TMED10: variants seen among roughly 807,000 people sequenced by gnomAD.
TMED10 encodes the protein transmembrane emp24 domain-containing protein 10.
In TMED10, 7 loss-of-function variants were observed where a neutral mutation model predicts 23.1. The ratio of observed to expected loss-of-function variants is 0.30; its 90% confidence interval spans 0.17 to 0.57. The LOEUF (loss-of-function observed/expected upper bound fraction) is 0.57, where lower values mean the gene tolerates loss of function less well. Among genes scored for constraint, TMED10 ranks in the 20% least tolerant of loss-of-function variants. The probability of loss-of-function intolerance (pLI) is 0.91; values close to 1 mark genes in which losing one functional copy is unlikely to be tolerated. For synonymous variants in TMED10, 113 were observed against 106.9 expected (o/e 1.06, Z -0.35); for missense variants, 162 against 274.8 (o/e 0.59, Z 2.90).
At chr14:75,175,859 T>A (rs1279173139) in intron 1 of TMED10, 5 of 162,852 alleles carry the variant, frequency 3.1e-5, no homozygotes, top group African/African-American at 1.2e-4. Flanking sequence ...ACCTACTTCA[T>A]AGGGTAGTGC....
intron 1 of TMED10, among the ~76,000 whole-genome samples, chr14:75,173,567 T>C (rs1268073815): frequency 6.6e-6 from 1 of 152,134 alleles, no homozygotes; most frequent in Non-Finnish European, 1.5e-5. Flanking sequence ...AAATACCTGG[T>C]CCAATTTATT....
chr14:75,149,037 C>A (rs1230420427), intron 2 of TMED10, among the ~76,000 whole-genome samples: 1 of 152,242 alleles, frequency 6.6e-6, no homozygotes, highest in East Asian at 1.9e-4. Context: ...CCACTTCAGT[C>A]TTTCAAGTAG....
intron 1 of TMED10, among the ~76,000 whole-genome samples, chr14:75,172,777 A>G (rs1896250450): frequency 6.6e-6 from 1 of 152,244 alleles, no homozygotes; most frequent in African/African-American, 2.4e-5. Context: ...ACACGTGTGG[A>G]AAGATCCTGA....
intron 1 of TMED10, among the ~76,000 whole-genome samples, chr14:75,172,562 C>T (rs1896247854): frequency 1.3e-5 from 2 of 152,156 alleles, no homozygotes; most frequent in Admixed American, 6.5e-5. Flanking sequence ...CCCACCTCGG[C>T]CTCCCAAAGT....
chr14:75,152,218 G>A (rs78189600), intron 1 of TMED10, 75 bp from the exon 2 acceptor site: 15,180 of 1,182,142 alleles, frequency 0.013, 224 homozygotes, highest in African/African-American at 0.055. Context: ...TGGGAAGATA[G>A]AGACACTATC....
intron 1 of TMED10, among the ~76,000 whole-genome samples, chr14:75,156,952 A>AAAAGAAAAGC (rs1896027608): frequency 1.3e-5 from 2 of 151,848 alleles, no homozygotes; most frequent in Non-Finnish European, 2.9e-5. Context: ...AAAAGAAAAG[A>AAAAGAAAAGC]AAAGAAAAAC....
At chr14:75,156,711 C>T (rs1490208365) in intron 1 of TMED10, among the ~76,000 whole-genome samples, 2 of 151,900 alleles carry the variant, frequency 1.3e-5, no homozygotes, top group Non-Finnish European at 2.9e-5. Context: ...TTTGGGAGGC[C>T]GAGGTGGGTG....
chr14:75,142,096 T>C (rs193187637), intron 3 of TMED10, among the ~76,000 whole-genome samples: 38 of 152,352 alleles, frequency 2.5e-4, no homozygotes, highest in Admixed American at 1.2e-3. Flanking sequence ...ACATGTTTCA[T>C]GAAGGCAGGC....
At chr14:75,158,709 G>C (rs1896051008) in intron 1 of TMED10, among the ~76,000 whole-genome samples, 1 of 151,960 alleles carries the variant, frequency 6.6e-6, no homozygotes, top group Admixed American at 6.5e-5. Context: ...CAGATCACCT[G>C]AGGTCGGGAG....
chr14:75,171,283 T>C (rs887443096), intron 1 of TMED10, among the ~76,000 whole-genome samples: 1 of 145,680 alleles, frequency 6.9e-6, no homozygotes, highest in Non-Finnish European at 1.5e-5. Context: ...TGGCTTTAAT[T>C]TTTTTTTTTT....
In TMED10 at chr14:75,147,655, A is replaced by G; in HGVS notation, c.411+9T>C. The G allele has an allele frequency of 1.2e-6, 2 of 1,614,102 alleles. No individual in the cohort carries two copies. Among genetic ancestry groups the G allele is most frequent in the South Asian group, 1.1e-5 (1 of 91,084 alleles). Reference sequence around the variant, plus strand: ...TGCTGCCTCCTCTGGCTGTTAGAGCAGGACATACCTCTTCGTAATTTTTCG... The same window carrying G: ...TGCTGCCTCCTCTGGCTGTTAGAGCGGGACATACCTCTTCGTAATTTTTCG... On this transcript the variant is annotated intron_variant, in intron 3 of 4. Coordinates refer to ENST00000303575, the MANE Select transcript of TMED10 (RefSeq NM_006827.6).
At chr14:75,164,532 AATAT>A (rs368412262) in intron 1 of TMED10, among the ~76,000 whole-genome samples, 23 of 54,416 alleles carry the variant, frequency 4.2e-4, no homozygotes, top group East Asian at 3.2e-3. Flanking sequence ...CACCTGGCCT[AATAT>A]ATATATATAT....
rs557407487 is a variant in TMED10 at position 75,153,150 on chromosome 14, C to T, written c.226-1007G>A. ...AAAAAAGTGTTCAAGACCAACATGG[C>T]GAAACCTCATCTCTACAAAAAATAC... is the stretch of plus-strand genomic sequence containing the variant. On this transcript the variant is annotated intron_variant, in intron 1 of 4. Coordinates refer to ENST00000303575, the MANE Select transcript of TMED10 (RefSeq NM_006827.6). Among the ~76,000 whole-genome samples the T allele has an allele frequency of 4.0e-5, 6 of 150,764 alleles. No homozygotes were observed. The South Asian group carries it at 6.3e-4, about 16-fold the overall frequency.
At chr14:75,159,265 A>G (rs529465110) in intron 1 of TMED10, among the ~76,000 whole-genome samples, 1 of 152,378 alleles carries the variant, frequency 6.6e-6, no homozygotes, top group African/African-American at 2.4e-5. Flanking sequence ...CTTGGGTAAC[A>G]TAACTTTCCA....
intron 1 of TMED10, among the ~76,000 whole-genome samples, chr14:75,173,730 C>CTTTGT (rs983464718): frequency 3.9e-5 from 6 of 152,018 alleles, no homozygotes; most frequent in Non-Finnish European, 5.9e-5. Context: ...TTTTGTTTTG[C>CTTTGT]TTTGTTTTGT....
intron 1 of TMED10, chr14:75,175,970 C>A: frequency 3.5e-6 from 1 of 282,262 alleles, no homozygotes; most frequent in Non-Finnish European, 6.9e-6. Flanking sequence ...GTCTCCTTTA[C>A]TTTCCTGCAG....
At chr14:75,164,577 ATTT>A (rs60845992) in intron 1 of TMED10, among the ~76,000 whole-genome samples, 96 of 45,056 alleles carry the variant, frequency 2.1e-3, no homozygotes, top group African/African-American at 0.011. Flanking sequence ...ATATATATAT[ATTT>A]TTTTTTTTTT....
At chr14:75,152,431 A>T (rs7158358) in intron 1 of TMED10, among the ~76,000 whole-genome samples, 2,707 of 152,358 alleles carry the variant, frequency 0.018, 89 homozygotes, top group African/African-American at 0.063. Flanking sequence ...TCCAAGTTAC[A>T]TACATTGGAT....
chr14:75,154,480 T>C (rs1389030691), intron 1 of TMED10, among the ~76,000 whole-genome samples: 1 of 145,234 alleles, frequency 6.9e-6, no homozygotes, highest in Admixed American at 7.2e-5. Flanking sequence ...TAAAGTTATT[T>C]TATTTTGGAA....
Sources: allele counts gnomAD v4.1 joint callset (sites outside exome capture counted in the v4.1 genomes callset), GRCh38; gene constraint gnomAD v4.1.1; transcripts MANE v1.5; gene names NCBI Gene and HGNC (gene_info 2026-07-23, HGNC 2026-07-21).